The following SPOCK1 variants were observed in gnomAD, a reference collection of about 807,000 sequenced individuals.
SPOCK1 encodes SPARC (osteonectin), cwcv and kazal like domains proteoglycan 1, also known as testican-1.
SPOCK1 carries 23 observed loss-of-function variants against 55.3 expected under a neutral mutation model. That is an observed-to-expected ratio of 0.42 (90% CI 0.30 to 0.59). The LOEUF is 0.59. Ranked by LOEUF, SPOCK1 falls within the 20% of genes least tolerant of loss-of-function variation. The probability of loss-of-function intolerance (pLI) is 0.22; values close to 1 mark genes in which losing one functional copy is unlikely to be tolerated. For synonymous variants in SPOCK1, 226 were observed against 221.0 expected (o/e 1.02, Z -0.20); for missense variants, 499 against 552.5 (o/e 0.90, Z 0.97).
At chr5:137,115,455 T>A (rs186631830) in intron 4 of SPOCK1, among the ~76,000 whole-genome samples, 1 of 152,274 alleles carries the variant, frequency 6.6e-6, no homozygotes, top group African/African-American at 2.4e-5. Flanking sequence ...TTTTGGCATA[T>A]GTACTTTCAT....
intron 2 of SPOCK1, among the ~76,000 whole-genome samples, chr5:137,410,519 G>C (rs1197021110): frequency 6.6e-6 from 1 of 152,202 alleles, no homozygotes; most frequent in East Asian, 1.9e-4. Context: ...ACGGCTGTCA[G>C]GTTCTGTTAT....
At chr5:137,339,337 T>C (rs1750362134) in intron 2 of SPOCK1, among the ~76,000 whole-genome samples, 1 of 152,246 alleles carries the variant, frequency 6.6e-6, no homozygotes, top group Non-Finnish European at 1.5e-5. Flanking sequence ...GGTCCATGGA[T>C]GGGCACATTT....
At chr5:137,422,547 A>G (rs1033200484) in intron 2 of SPOCK1, among the ~76,000 whole-genome samples, 3 of 152,180 alleles carry the variant, frequency 2.0e-5, no homozygotes, top group African/African-American at 7.2e-5. Context: ...ATCTTCCATC[A>G]CTGATACCCT....
intron 2 of SPOCK1, among the ~76,000 whole-genome samples, chr5:137,325,349 T>C (rs1337288553): frequency 1.3e-5 from 2 of 152,174 alleles, no homozygotes; most frequent in African/African-American, 2.4e-5. Flanking sequence ...GGAAGCCACA[T>C]GGTTTCTGGC....
intron 3 of SPOCK1, among the ~76,000 whole-genome samples, chr5:137,180,225 G>C (rs1436590184): frequency 6.6e-6 from 1 of 152,164 alleles, no homozygotes; most frequent in African/African-American, 2.4e-5. Context: ...GCACATGCAA[G>C]CACTTGTTGA....
intron 2 of SPOCK1, among the ~76,000 whole-genome samples, chr5:137,309,514 C>T (rs1297676450): frequency 1.3e-5 from 2 of 152,192 alleles, no homozygotes; most frequent in Non-Finnish European, 2.9e-5. Context: ...TGTTATTCTC[C>T]ACCCAGTGCC....
intron 6 of SPOCK1, among the ~76,000 whole-genome samples, chr5:136,997,923 T>A (rs1751076866): frequency 6.6e-6 from 1 of 152,222 alleles, no homozygotes; most frequent in African/African-American, 2.4e-5. Flanking sequence ...GTTCCTGGCA[T>A]GAAGAAAGTT....
chr5:137,065,649 TTGG>T (rs2127005229), intron 6 of SPOCK1, among the ~76,000 whole-genome samples: 1 of 152,338 alleles, frequency 6.6e-6, no homozygotes, highest in African/African-American at 2.4e-5. Context: ...TATAATATTG[TTGG>T]TATTATTTTT....
At chr5:137,283,196 C>T (rs1169979643) in intron 2 of SPOCK1, among the ~76,000 whole-genome samples, 1 of 152,168 alleles carries the variant, frequency 6.6e-6, no homozygotes, top group Non-Finnish European at 1.5e-5. Flanking sequence ...GACTCTACCC[C>T]TTTTGCCTCT....
chr5:137,329,183 G>A (rs1009333988), intron 2 of SPOCK1, among the ~76,000 whole-genome samples: 13 of 152,110 alleles, frequency 8.5e-5, no homozygotes, highest in Non-Finnish European at 1.2e-4. Flanking sequence ...CTCCTCTTGC[G>A]TAACTGTGAG....
chr5:137,078,290 C>T (rs1024750677), intron 5 of SPOCK1, among the ~76,000 whole-genome samples: 1 of 152,198 alleles, frequency 6.6e-6, no homozygotes, highest in African/African-American at 2.4e-5. Flanking sequence ...GTCTCTGCAG[C>T]TATAAATGCC....
intron 8 of SPOCK1, 133 bp from the exon 9 acceptor site, chr5:136,985,335 G>T: frequency 1.2e-6 from 1 of 867,966 alleles, no homozygotes; most frequent in Non-Finnish European, 1.9e-6. Context: ...CTGTTACTAT[G>T]CAAGAAAACA....
chr5:137,482,456 G>A (rs1753969979), intron 2 of SPOCK1, among the ~76,000 whole-genome samples: 1 of 152,122 alleles, frequency 6.6e-6, no homozygotes, highest in South Asian at 2.1e-4. Flanking sequence ...GGAAAGAGAA[G>A]ATGCTCCCCC....
chr5:137,167,904 G>A (rs1754678768), intron 3 of SPOCK1, among the ~76,000 whole-genome samples: 1 of 151,796 alleles, frequency 6.6e-6, no homozygotes, highest in African/African-American at 2.4e-5. Flanking sequence ...ACCTAACAAT[G>A]CATCTTAAAG....
chr5:137,326,119 G>A (rs1401212126), intron 2 of SPOCK1, among the ~76,000 whole-genome samples: 6 of 151,984 alleles, frequency 3.9e-5, no homozygotes, highest in Admixed American at 3.9e-4. Context: ...TCCATAGATG[G>A]ACTCAAAGCA....
chr5:137,003,563 ATCT>A (rs1168283494), intron 6 of SPOCK1, among the ~76,000 whole-genome samples: 1 of 152,198 alleles, frequency 6.6e-6, no homozygotes, highest in Non-Finnish European at 1.5e-5. Flanking sequence ...GAACTTTTAT[ATCT>A]GTAAGAGGTT....
chr5:137,410,797 A>C (rs1752194652), intron 2 of SPOCK1, among the ~76,000 whole-genome samples: 1 of 152,198 alleles, frequency 6.6e-6, no homozygotes, highest in South Asian at 2.1e-4. Context: ...CCCATGCACA[A>C]AGGAGACCTG....
At chr5:137,282,569 T>C (rs1757186451) in intron 2 of SPOCK1, among the ~76,000 whole-genome samples, 1 of 152,182 alleles carries the variant, frequency 6.6e-6, no homozygotes, top group South Asian at 2.1e-4. Flanking sequence ...GATGCCTTCA[T>C]AATAAGGTGA....
intron 4 of SPOCK1, among the ~76,000 whole-genome samples, chr5:137,139,308 G>A (rs1178787352): frequency 6.6e-6 from 1 of 152,162 alleles, no homozygotes; most frequent in African/African-American, 2.4e-5. Context: ...GGGGTATGGG[G>A]TGGGGGCTGC....
Sources: allele counts gnomAD v4.1 joint callset (sites outside exome capture counted in the v4.1 genomes callset), GRCh38; gene constraint gnomAD v4.1.1; transcripts MANE v1.5; gene names NCBI Gene and HGNC (gene_info 2026-07-23, HGNC 2026-07-21).